The following KCNIP4 variants were observed in gnomAD, a reference collection of about 807,000 sequenced individuals.
The protein encoded by KCNIP4 is Kv channel-interacting protein 4.
KCNIP4 carries 12 observed loss-of-function variants against 34.0 expected under a neutral mutation model. That is an observed-to-expected ratio of 0.35 (90% CI 0.23 to 0.57). The LOEUF is 0.57. Among genes scored for constraint, KCNIP4 ranks in the 20% least tolerant of loss-of-function variants. The pLI, the probability that KCNIP4 is intolerant of heterozygous loss-of-function variation, is 0.83. For missense variants in KCNIP4, 238 were observed against 311.7 expected (o/e 0.76, Z 1.78); for synonymous variants, 124 against 102.2 (o/e 1.21, Z -1.29).
At position 21,821,474 on chromosome 4, in the gene KCNIP4, C is replaced by T. The variant is rs945624015; in HGVS notation, c.61+127097G>A. Reference sequence around the variant, plus strand: ...ATCCAATCTCTTTTCAGAAATGTTACCCGCAGTTGAAATTGAGCAGGGAAA... The same window carrying T: ...ATCCAATCTCTTTTCAGAAATGTTATCCGCAGTTGAAATTGAGCAGGGAAA... On this transcript the variant is annotated intron_variant, in intron 1 of 8. Transcript: ENST00000382152. Among the ~76,000 whole-genome samples, 9 of 152,240 alleles carry T rather than the reference C, an allele frequency of 5.9e-5. No homozygotes were observed. The East Asian group carries it at 1.7e-3, about 29-fold the overall frequency.
At chr4:21,493,645 T>C (rs1162957734) in intron 1 of KCNIP4, among the ~76,000 whole-genome samples, 1 of 152,190 alleles carries the variant, frequency 6.6e-6, no homozygotes, top group East Asian at 1.9e-4. Context: ...TCTCTCCATC[T>C]AGCAGACAAC....
intron 2 of KCNIP4, among the ~76,000 whole-genome samples, chr4:20,870,766 T>C (rs1190070784): frequency 6.6e-6 from 1 of 152,164 alleles, no homozygotes; most frequent in Non-Finnish European, 1.5e-5. Context: ...ACACAACTTA[T>C]GATTTAATAT....
chr4:20,853,309 C>A (rs1413110105), intron 2 of KCNIP4, among the ~76,000 whole-genome samples: 1 of 139,896 alleles, frequency 7.1e-6, no homozygotes, highest in Non-Finnish European at 1.6e-5. Context: ...ACCAGTGGAA[C>A]AGAATAGATA....
chr4:21,278,440 A>G (rs1762571382), intron 1 of KCNIP4, among the ~76,000 whole-genome samples: 1 of 152,124 alleles, frequency 6.6e-6, no homozygotes, highest in African/African-American at 2.4e-5. Flanking sequence ...TTTATAAGTG[A>G]GAACATGTGG....
chr4:21,300,043 T>C (rs1464329753), intron 1 of KCNIP4, among the ~76,000 whole-genome samples: 1 of 152,212 alleles, frequency 6.6e-6, no homozygotes, highest in Non-Finnish European at 1.5e-5. Context: ...CAGTGACTTT[T>C]TTCAAGTCAT....
At chr4:20,968,695 C>T (rs1050156947) in intron 1 of KCNIP4, among the ~76,000 whole-genome samples, 1 of 147,452 alleles carries the variant, frequency 6.8e-6, no homozygotes, top group Non-Finnish European at 1.5e-5. Flanking sequence ...CCAAACACTA[C>T]ATGTTCTCAC....
In KCNIP4 at chr4:20,749,686, G is replaced by A; in HGVS notation, c.405C>T (p.Asp135=). ...CCTCGAAACTCACAGCTCCATTGTG[G>A]TCTGTATCAAATGCATTGAACAGAA... ...AHFLFNAFDT[D]HNGAVSFEDF... The change falls in exon 5 of 9, where the codon GAC becomes GAT. Residue 135 remains aspartate (D), a synonymous_variant. Transcript: ENST00000382152. 6.2e-7 allele frequency: 1 copy of A among 1,608,818 alleles called. No homozygotes were observed. Among genetic ancestry groups the A allele is most frequent in the South Asian group, 1.1e-5 (1 of 90,560 alleles).
chr4:21,620,158 T>TA (rs1436879206), intron 1 of KCNIP4, among the ~76,000 whole-genome samples: 7 of 152,168 alleles, frequency 4.6e-5, no homozygotes, highest in African/African-American at 1.4e-4. Context: ...GTGATTGTTT[T>TA]AAAAAAGTGT....
intron 1 of KCNIP4, among the ~76,000 whole-genome samples, chr4:21,875,360 T>C (rs1325778703): frequency 6.6e-6 from 1 of 152,214 alleles, no homozygotes; most frequent in Non-Finnish European, 1.5e-5. Flanking sequence ...ATTTGATTAA[T>C]TCTGGAATTA....
chr4:21,171,950 T>G (rs1754050129), intron 1 of KCNIP4, among the ~76,000 whole-genome samples: 1 of 152,216 alleles, frequency 6.6e-6, no homozygotes, highest in Non-Finnish European at 1.5e-5. Flanking sequence ...GGATTTCACT[T>G]AGCATAGTTC....
At chr4:21,506,321 G>T (rs562019014) in intron 1 of KCNIP4, among the ~76,000 whole-genome samples, 2 of 152,276 alleles carry the variant, frequency 1.3e-5, no homozygotes, top group South Asian at 4.1e-4. Context: ...ATTGGAGAAG[G>T]CATTCAGTTA....
intron 1 of KCNIP4, among the ~76,000 whole-genome samples, chr4:21,683,751 A>G (rs368151703): frequency 6.6e-6 from 1 of 152,182 alleles, no homozygotes; most frequent in Non-Finnish European, 1.5e-5. Context: ...CAGTTAAAAA[A>G]CAATGCTTAC....
At chr4:21,252,425 C>T (rs1404060372) in intron 1 of KCNIP4, among the ~76,000 whole-genome samples, 3 of 151,994 alleles carry the variant, frequency 2.0e-5, no homozygotes, top group African/African-American at 4.8e-5. Context: ...TTCCCTCGCC[C>T]GGCCAAGGTA....
intron 2 of KCNIP4, among the ~76,000 whole-genome samples, chr4:20,867,070 T>C (rs1722949054): frequency 6.6e-6 from 1 of 152,064 alleles, no homozygotes; most frequent in Non-Finnish European, 1.5e-5. Flanking sequence ...GTTATAAAAA[T>C]GGCCATACTG....
At chr4:21,570,148 C>T (rs372326060) in intron 1 of KCNIP4, among the ~76,000 whole-genome samples, 3 of 152,134 alleles carry the variant, frequency 2.0e-5, no homozygotes, top group Non-Finnish European at 2.9e-5. Flanking sequence ...GCAAAATCTA[C>T]CCAGAGATGG....
At chr4:21,052,138 C>T (rs1346290125) in intron 1 of KCNIP4, among the ~76,000 whole-genome samples, 1 of 152,154 alleles carries the variant, frequency 6.6e-6, no homozygotes, top group African/African-American at 2.4e-5. Flanking sequence ...AAATTATCAT[C>T]ATATTCCCTC....
At chr4:21,830,015 T>C (rs1178564691) in intron 1 of KCNIP4, among the ~76,000 whole-genome samples, 2 of 152,130 alleles carry the variant, frequency 1.3e-5, no homozygotes, top group African/African-American at 4.8e-5. Context: ...ATTTTGAATT[T>C]AAATGGATTA....
chr4:21,942,215 C>A (rs1440591705), intron 1 of KCNIP4, among the ~76,000 whole-genome samples: 1 of 152,198 alleles, frequency 6.6e-6, no homozygotes, highest in Non-Finnish European at 1.5e-5. Flanking sequence ...TTCCTTTCCA[C>A]ATCCACTGCT....
At chr4:21,142,106 G>A (rs568970874) in intron 1 of KCNIP4, among the ~76,000 whole-genome samples, 34 of 145,208 alleles carry the variant, frequency 2.3e-4, no homozygotes, top group African/African-American at 8.2e-4. Context: ...AGCTGAGATC[G>A]TGCCACTGCA....
Sources: gnomAD v4.1 joint callset for allele counts (sites outside exome capture counted in the v4.1 genomes callset) on GRCh38, gnomAD v4.1.1 for gene constraint, MANE v1.5 for transcripts, NCBI Gene and HGNC (gene_info 2026-07-23, HGNC 2026-07-21) for gene names.